TGFB2: variants seen among roughly 807,000 people sequenced by gnomAD.
TGFB2 encodes the protein transforming growth factor beta 2.
A neutral mutation model predicts 42.7 loss-of-function variants in TGFB2; 13 were observed. That is an observed-to-expected ratio of 0.30 (90% CI 0.20 to 0.48). TGFB2 has a LOEUF of 0.48. TGFB2 is among the 20% of genes least tolerant of loss of function. The pLI is 0.99. For missense variants in TGFB2, 390 were observed against 517.5 expected (o/e 0.75, Z 2.39); for synonymous variants, 193 against 193.6 (o/e 1.00, Z 0.03).
intron 2 of TGFB2, among the ~76,000 whole-genome samples, chr1:218,411,633 G>T (rs757295374): frequency 6.6e-6 from 1 of 152,188 alleles, no homozygotes; most frequent in Non-Finnish European, 1.5e-5. Flanking sequence ...ACTTTGAGAG[G>T]CTGAGGCAGG....
chr1:218,424,728 T>A (rs1247337370), intron 2 of TGFB2, among the ~76,000 whole-genome samples: 1 of 152,214 alleles, frequency 6.6e-6, no homozygotes, highest in Admixed American at 6.5e-5. Context: ...TTAACAACAG[T>A]TTGTGAATAA....
chr1:218,439,440 TA>T (rs1660084250), intron 6 of TGFB2, among the ~76,000 whole-genome samples: 1 of 152,208 alleles, frequency 6.6e-6, no homozygotes, highest in Admixed American at 6.5e-5. Context: ...GGTTATCAAT[TA>T]TTTTAGACAA....
chr1:218,356,316 T>C (rs1382213178), intron 1 of TGFB2, among the ~76,000 whole-genome samples: 1 of 152,012 alleles, frequency 6.6e-6, no homozygotes, highest in Non-Finnish European at 1.5e-5. Context: ...TCCTGGGCTC[T>C]AGTTATCCTC....
At chr1:218,429,004 A>G (rs1364532629) in intron 2 of TGFB2, among the ~76,000 whole-genome samples, 2 of 125,042 alleles carry the variant, frequency 1.6e-5, no homozygotes, top group Non-Finnish European at 3.2e-5. Flanking sequence ...TTTCTGAGAC[A>G]GAGTCTTGCT....
At position 218,405,082 on chromosome 1, in the gene TGFB2, G is replaced by A. The variant is rs930195162; in HGVS notation, c.347-87G>A. ...ACTATTCTGTAGATATTTCCCTTAT[G>A]GTTTCTTGGGATTATCTCACGCTAC... On this transcript the variant is annotated intron_variant, in intron 1 of 6. Coordinates refer to ENST00000366930, the MANE Select transcript of TGFB2 (RefSeq NM_003238.6). The A allele has an allele frequency of 9.3e-6, 13 of 1,399,600 alleles. No homozygotes were observed. The African/African-American group carries it at 1.7e-4, about 19-fold the overall frequency. 86.7% of individuals were successfully genotyped at this position (1,399,600 alleles called of 1,614,324 possible). A position where few individuals can be genotyped will look rare whatever the true frequency, so the allele number is the denominator to read the frequency against.
intron 2 of TGFB2, among the ~76,000 whole-genome samples, chr1:218,411,009 C>G (rs965450546): frequency 6.6e-6 from 1 of 151,746 alleles, no homozygotes; most frequent in Admixed American, 6.6e-5. Flanking sequence ...TCTAAGGGTA[C>G]CCATAACTTC....
intron 2 of TGFB2, among the ~76,000 whole-genome samples, chr1:218,412,413 C>G (rs1470773419): frequency 6.6e-6 from 1 of 152,208 alleles, no homozygotes; most frequent in African/African-American, 2.4e-5. Context: ...ATATTTGTTG[C>G]AGAGATATCT....
At chr1:218,409,549 T>G (rs940054025) in intron 2 of TGFB2, among the ~76,000 whole-genome samples, 3 of 152,180 alleles carry the variant, frequency 2.0e-5, no homozygotes, top group Non-Finnish European at 4.4e-5. Context: ...CAGGAATTGA[T>G]GCCGATGGTA....
At chr1:218,436,692 C>T (rs987895006) in intron 5 of TGFB2, among the ~76,000 whole-genome samples, 1 of 152,148 alleles carries the variant, frequency 6.6e-6, no homozygotes, top group African/African-American at 2.4e-5. Flanking sequence ...TATGTGGTCT[C>T]AGTAAGAGGA....
chr1:218,377,762 C>A (rs576182638), intron 1 of TGFB2, among the ~76,000 whole-genome samples: 191 of 152,068 alleles, frequency 1.3e-3, no homozygotes, highest in Middle Eastern at 6.8e-3. Flanking sequence ...CAGTTTCATG[C>A]AGAAGCAGGA....
intron 1 of TGFB2, among the ~76,000 whole-genome samples, chr1:218,371,783 G>C (rs1024707773): frequency 6.6e-6 from 1 of 152,214 alleles, no homozygotes; most frequent in Non-Finnish European, 1.5e-5. Context: ...TTGCCAGAAG[G>C]AGCATGGCTT....
At chr1:218,386,121 A>C (rs1658127266) in intron 1 of TGFB2, among the ~76,000 whole-genome samples, 1 of 152,152 alleles carries the variant, frequency 6.6e-6, no homozygotes, top group African/African-American at 2.4e-5. Context: ...CCATCCTTTA[A>C]GTACTACAGA....
chr1:218,376,593 G>A (rs1417393677), intron 1 of TGFB2, among the ~76,000 whole-genome samples: 1 of 152,156 alleles, frequency 6.6e-6, no homozygotes, highest in East Asian at 1.9e-4. Context: ...CAGTTCCATA[G>A]CACCGGGCAA....
chr1:218,390,697 C>A (rs1254881643), intron 1 of TGFB2, among the ~76,000 whole-genome samples: 2 of 152,172 alleles, frequency 1.3e-5, no homozygotes, highest in Non-Finnish European at 2.9e-5. Flanking sequence ...AGTGGCCCAA[C>A]CTTGAAGAAC....
intron 1 of TGFB2, among the ~76,000 whole-genome samples, chr1:218,353,074 G>C (rs1353387845): frequency 6.6e-6 from 1 of 152,190 alleles, no homozygotes; most frequent in African/African-American, 2.4e-5. Flanking sequence ...ATTATTTTAT[G>C]TGCCACTAAG....
chr1:218,434,406 A>G lies in TGFB2; in HGVS notation c.712A>G (p.Ile238Val). Residue 238 changes from isoleucine to valine, a missense_variant, in exon 4 of 7, where the codon ATC becomes GTC. Coordinates refer to ENST00000366930, the MANE Select transcript of TGFB2 (RefSeq NM_003238.6). Reference protein sequence around the residue: ...CCTFVPSNNYIIPNKSEELEA... With the variant: ...CCTFVPSNNYVIPNKSEELEA... Reference sequence around the variant, plus strand: ...CACTTTTGTACCATCTAATAATTACATCATCCCAAATAAAAGTGAAGAACT... The same window carrying G: ...CACTTTTGTACCATCTAATAATTACGTCATCCCAAATAAAAGTGAAGAACT... 2 of 1,614,004 alleles carry G rather than the reference A, an allele frequency of 1.2e-6. No homozygotes were observed. Among genetic ancestry groups the G allele is most frequent in the South Asian group, 2.2e-5 (2 of 91,068 alleles).
chr1:218,397,582 A>AAC (rs58432965), intron 1 of TGFB2, among the ~76,000 whole-genome samples: 2 of 149,810 alleles, frequency 1.3e-5, no homozygotes, highest in African/African-American at 4.9e-5. Flanking sequence ...AAAAAAAAAA[A>AAC]GTTTAGGTGC....
chr1:218,365,464 G>A (rs916475230), intron 1 of TGFB2, among the ~76,000 whole-genome samples: 2 of 152,230 alleles, frequency 1.3e-5, no homozygotes, highest in South Asian at 4.1e-4. Flanking sequence ...AAAAGCATTG[G>A]AAACCCACCC....
intron 1 of TGFB2, among the ~76,000 whole-genome samples, chr1:218,397,187 G>A (rs959354729): frequency 1.3e-5 from 2 of 150,936 alleles, no homozygotes; most frequent in Admixed American, 6.6e-5. Context: ...TGAGTTGCGT[G>A]AACCCAAGAG....
Sources: allele counts gnomAD v4.1 joint callset (sites outside exome capture counted in the v4.1 genomes callset), GRCh38; gene constraint gnomAD v4.1.1; transcripts MANE v1.5; gene names NCBI Gene and HGNC (gene_info 2026-07-23, HGNC 2026-07-21).